The following CLYBL variants were observed in gnomAD, a reference collection of about 807,000 sequenced individuals.
CLYBL encodes citramalyl-CoA lyase, mitochondrial.
A neutral mutation model predicts 38.9 loss-of-function variants in CLYBL; 31 were observed. The observed-to-expected ratio is 0.80, with a 90% CI of 0.60 to 1.08. The LOEUF is 1.08. CLYBL is among the 50% of genes least tolerant of loss of function. The probability of loss-of-function intolerance (pLI) is 0.00; values close to 1 mark genes in which losing one functional copy is unlikely to be tolerated. For missense variants in CLYBL, 434 were observed against 411.6 expected, an observed-to-expected ratio of 1.05 and a Z score of -0.47; for synonymous variants, 171 against 158.6, an observed-to-expected ratio of 1.08 and a Z score of -0.59.
intron 2 of CLYBL, among the ~76,000 whole-genome samples, chr13:99,789,299 A>G (rs1411684033): frequency 1.3e-5 from 2 of 152,066 alleles, no homozygotes; most frequent in African/African-American, 4.8e-5. Context: ...TAGGGTGTCA[A>G]TTTTAGATCT....
rs35412408 is a variant in CLYBL at position 99,645,497 on chromosome 13, C to CAAA, written c.62+38757_62+38759dup. Among the ~76,000 whole-genome samples the CAAA allele has an allele frequency of 2.6e-3, 249 of 94,048 alleles. 2 individuals carry two copies. The highest frequency in any genetic ancestry group is 8.1e-3 in the East Asian group (29 of 3,574). 61.7% of individuals were successfully genotyped at this position (94,048 alleles called of 152,430 possible). On this transcript the variant is annotated intron_variant, in intron 1 of 8. Coordinates refer to ENST00000339105, the MANE Select transcript of CLYBL (RefSeq NM_206808.5). The stretch of plus-strand genomic sequence containing the variant: ...TGGGCGACAGAGCAAGACTCTGTCT[C>CAAA]AAAAAAAAAAAAAAAAAAAGTCATT...
intron 1 of CLYBL, among the ~76,000 whole-genome samples, chr13:99,709,477 A>AT (rs1239179436): frequency 6.6e-6 from 1 of 152,010 alleles, no homozygotes; most frequent in African/African-American, 2.4e-5. Flanking sequence ...TGGGAGATAC[A>AT]TTTTCTCCTT....
At chr13:99,850,367 C>T (rs575584737) in intron 2 of CLYBL, among the ~76,000 whole-genome samples, 10 of 152,244 alleles carry the variant, frequency 6.6e-5, no homozygotes, top group African/African-American at 2.4e-4. Context: ...TAGACATTAT[C>T]CAAAGAAGAT....
intron 8 of CLYBL, among the ~76,000 whole-genome samples, chr13:99,902,136 A>T (rs996381407): frequency 6.6e-6 from 1 of 152,236 alleles, no homozygotes; most frequent in Non-Finnish European, 1.5e-5. Flanking sequence ...TACCTTTTAT[A>T]ACAGTATAAA....
intron 2 of CLYBL, among the ~76,000 whole-genome samples, chr13:99,851,796 C>T (rs1191261635): frequency 6.6e-6 from 1 of 152,168 alleles, no homozygotes; most frequent in African/African-American, 2.4e-5. Context: ...CTTAAAAGGT[C>T]AGACATACAG....
At chr13:99,629,294 T>G (rs186050655) in intron 1 of CLYBL, among the ~76,000 whole-genome samples, 2 of 152,340 alleles carry the variant, frequency 1.3e-5, no homozygotes, top group African/African-American at 4.8e-5. Flanking sequence ...ACCAGATGAT[T>G]AGAGAAGAAT....
intron 1 of CLYBL, among the ~76,000 whole-genome samples, chr13:99,703,555 G>C (rs1037802689): frequency 1.1e-4 from 17 of 152,180 alleles, no homozygotes; most frequent in African/African-American, 3.9e-4. Flanking sequence ...ATTTTTAGTA[G>C]AGACGGTATT....
chr13:99,828,071 A>C (rs2050731421), intron 2 of CLYBL, among the ~76,000 whole-genome samples: 1 of 152,230 alleles, frequency 6.6e-6, no homozygotes, highest in Non-Finnish European at 1.5e-5. Flanking sequence ...CACGGATTGC[A>C]GGGTGTACAA....
At chr13:99,840,780 AG>A (rs1268580908) in intron 2 of CLYBL, among the ~76,000 whole-genome samples, 8,272 of 73,520 alleles carry the variant, frequency 0.11, 2,104 homozygotes, top group Middle Eastern at 0.15. Context: ...AAAAAAAAAA[AG>A]GGTTACATAT....
At chr13:99,621,793 A>T (rs1286181241) in intron 1 of CLYBL, among the ~76,000 whole-genome samples, 2 of 150,788 alleles carry the variant, frequency 1.3e-5, no homozygotes, top group African/African-American at 4.9e-5. Context: ...AGCTGTTGTT[A>T]GTGGATTTTA....
At chr13:99,700,218 C>T (rs1028180938) in intron 1 of CLYBL, among the ~76,000 whole-genome samples, 1 of 151,778 alleles carries the variant, frequency 6.6e-6, no homozygotes, top group Non-Finnish European at 1.5e-5. Context: ...TTTGGGAGGC[C>T]GAGGCATGCG....
intron 1 of CLYBL, among the ~76,000 whole-genome samples, chr13:99,770,527 G>T (rs374481800): frequency 1.1e-4 from 16 of 152,146 alleles, no homozygotes; most frequent in Middle Eastern, 3.4e-3. Context: ...CTGTGTTAGC[G>T]AGGATATTCT....
At chr13:99,780,713 CT>C (rs11300050) in intron 2 of CLYBL, among the ~76,000 whole-genome samples, 40,266 of 123,890 alleles carry the variant, frequency 0.33, 4,230 homozygotes, top group Middle Eastern at 0.39. Context: ...AATCCATTGT[CT>C]TTTTTTTTTT....
At chr13:99,876,007 A>C (rs1265784779) in intron 7 of CLYBL, among the ~76,000 whole-genome samples, 2 of 152,176 alleles carry the variant, frequency 1.3e-5, no homozygotes, top group Non-Finnish European at 2.9e-5. Flanking sequence ...CGAAATTTTA[A>C]ACATTTAAAG....
At chr13:99,879,851 T>C (rs2052149174) in intron 7 of CLYBL, among the ~76,000 whole-genome samples, 1 of 152,034 alleles carries the variant, frequency 6.6e-6, no homozygotes, top group African/African-American at 2.4e-5. Context: ...ACAGTAGCAA[T>C]ACCAGTAGCA....
At chr13:99,641,012 T>C (rs1485833452) in intron 1 of CLYBL, among the ~76,000 whole-genome samples, 1 of 152,246 alleles carries the variant, frequency 6.6e-6, no homozygotes, top group African/African-American at 2.4e-5. Context: ...TTTTCTAATA[T>C]AGAATTCTCA....
intron 1 of CLYBL, among the ~76,000 whole-genome samples, chr13:99,762,290 A>T (rs767003791): frequency 1.3e-5 from 2 of 152,030 alleles, no homozygotes; most frequent in East Asian, 3.8e-4. Context: ...TAGTAGTTTC[A>T]AAGTTTCAGG....
intron 7 of CLYBL, among the ~76,000 whole-genome samples, chr13:99,872,175 A>C (rs900148806): frequency 6.6e-6 from 1 of 152,144 alleles, no homozygotes; most frequent in Non-Finnish European, 1.5e-5. Flanking sequence ...CATTCAACCC[A>C]TGCACACATG....
At chr13:99,726,626 A>G (rs909356285) in intron 1 of CLYBL, 1 of 152,228 alleles carries the variant, frequency 6.6e-6, no homozygotes, top group Non-Finnish European at 1.5e-5. Flanking sequence ...AAGAGCCAGC[A>G]GCTCAGGGGT....
Sources: gnomAD v4.1 joint callset for allele counts (sites outside exome capture counted in the v4.1 genomes callset) on GRCh38, gnomAD v4.1.1 for gene constraint, MANE v1.5 for transcripts, NCBI Gene and HGNC (gene_info 2026-07-23, HGNC 2026-07-21) for gene names.